SMLR1: variants seen among roughly 807,000 people sequenced by gnomAD.
The protein encoded by SMLR1 is small leucine rich protein 1.
In SMLR1, 3 loss-of-function variants were observed where a neutral mutation model predicts 6.1. The observed-to-expected ratio is 0.49, with a 90% CI of 0.22 to 1.28. The LOEUF is 1.28. Ranked by LOEUF, SMLR1 falls within the 50% of genes most tolerant of loss-of-function variation. The pLI, the probability that SMLR1 is intolerant of heterozygous loss-of-function variation, is 0.19. For missense variants in SMLR1, 126 were observed against 124.8 expected (o/e 1.01, Z -0.05); for synonymous variants, 55 against 53.6 (o/e 1.03, Z -0.11).
chr6:130,836,636 GAATCTCCA>G lies in SMLR1; in HGVS notation c.*1683_*1690del, dbSNP rs1774673912. ...TTTTCTGCCATCCAATGAGAGCAGA[GAATCTCCA>G]ATGAAACTGACTAGATTTATGAATG... On this transcript the variant is annotated 3_prime_UTR_variant, in exon 2 of 2. Coordinates refer to ENST00000541421, the MANE Select transcript of SMLR1 (RefSeq NM_001195597.2). 6.6e-6 allele frequency: 1 copy of G among 152,182 alleles called. No homozygotes were observed. Among genetic ancestry groups the G allele is most frequent in the South Asian group, 2.1e-4 (1 of 4,832 alleles). The allele number at this position is 152,182 out of a possible 1,614,324, so 9.4% of individuals were successfully genotyped here. A position where few individuals can be genotyped will look rare whatever the true frequency, so the allele number is the denominator to read the frequency against.
Position 130,827,578 on chromosome 6 carries a change from C to T in SMLR1, c.165C>T (p.Phe55=). The change falls in exon 1 of 2, where the codon TTC becomes TTT. Residue 55 remains phenylalanine (F), a synonymous_variant. Transcript: ENST00000541421. ...GGGAGCTCCCTGGCTGGTTCCTGTT[C>T]TTTGGGGTCTTCCTCCCCGTGACTT... is the stretch of plus-strand genomic sequence containing the variant. ...FMRELPGWFL[F]FGVFLPVTLL... is the part of the protein sequence containing the mutation. The T allele has an allele frequency of 6.5e-7, 1 of 1,535,954 alleles. No individual in the cohort carries two copies. Among genetic ancestry groups the T allele is most frequent in the Non-Finnish European group, 8.7e-7 (1 of 1,146,854 alleles).
At chr6:130,834,820 C>A (rs763944199) in intron 1 of SMLR1, 50 bp from the exon 2 acceptor site, 1 of 1,453,186 alleles carries the variant, frequency 6.9e-7, no homozygotes, top group South Asian at 1.2e-5. Flanking sequence ...TCTAAATGAC[C>A]AATGGCACTC....
chr6:130,833,472 CA>C (rs1774533890), intron 1 of SMLR1, among the ~76,000 whole-genome samples: 1 of 152,136 alleles, frequency 6.6e-6, no homozygotes. Flanking sequence ...AGCCATGGGC[CA>C]TCTCCAAGGA....
chr6:130,828,204 T>C (rs1322088889), intron 1 of SMLR1, among the ~76,000 whole-genome samples: 1 of 152,186 alleles, frequency 6.6e-6, no homozygotes, highest in Admixed American at 6.5e-5. Flanking sequence ...CATGGGATTA[T>C]AGTCTTAAGG....
At chr6:130,829,312 T>C (rs1051394321) in intron 1 of SMLR1, among the ~76,000 whole-genome samples, 13 of 152,234 alleles carry the variant, frequency 8.5e-5, no homozygotes, top group South Asian at 2.1e-4. Context: ...ATCTGTTTTA[T>C]AGTTTTACTC....
chr6:130,834,562 C>G (rs1774579442), intron 1 of SMLR1, among the ~76,000 whole-genome samples: 1 of 152,162 alleles, frequency 6.6e-6, no homozygotes. Context: ...GACACTGTGA[C>G]TTGCTGTGGG....
rs79129224 is a variant in SMLR1, at chr6:130,829,470, G to A, written c.238+1819G>A. Reference sequence around the variant, plus strand: ...GCAGGGTATGGCCTGGCATCACAGGGGCTGATGCAGGGGAAATGCAGTCCA... The same window carrying A: ...GCAGGGTATGGCCTGGCATCACAGGAGCTGATGCAGGGGAAATGCAGTCCA... On this transcript the variant is annotated intron_variant, in intron 1 of 1. Coordinates refer to ENST00000541421, the MANE Select transcript of SMLR1 (RefSeq NM_001195597.2). Among the ~76,000 whole-genome samples, 2,209 of 152,240 alleles carry A rather than the reference G, an allele frequency of 0.015. 213 individuals carry two copies. In the East Asian group the frequency reaches 0.27, roughly 19 times the overall value.
intron 1 of SMLR1, among the ~76,000 whole-genome samples, chr6:130,832,073 T>C (rs1258127734): frequency 6.6e-6 from 1 of 152,178 alleles, no homozygotes; most frequent in Non-Finnish European, 1.5e-5. Flanking sequence ...GAACTTCCCA[T>C]AGCCAATCCC....
intron 1 of SMLR1, among the ~76,000 whole-genome samples, chr6:130,828,041 T>C (rs1040583729): frequency 2.3e-4 from 30 of 132,208 alleles, no homozygotes; most frequent in African/African-American, 8.4e-4. Flanking sequence ...TGTGTGTGCA[T>C]GTCCGTGCGT....
intron 1 of SMLR1, among the ~76,000 whole-genome samples, chr6:130,834,371 T>C (rs887863214): frequency 2.0e-5 from 3 of 152,136 alleles, no homozygotes; most frequent in African/African-American, 7.2e-5. Context: ...AGTTTTAATA[T>C]TTTAGTAGAG....
rs1389403288 is a variant in SMLR1 at position 130,827,870 on chromosome 6, C to G, written c.238+219C>G. 3.3e-5 allele frequency among the ~76,000 whole-genome samples: 5 copies of G among 150,406 alleles called. No individual in the cohort carries two copies. The East Asian group carries it at 9.8e-4, about 30-fold the overall frequency. ...TCTTGTGCTGAGATGTGAAGGTCTG[C>G]TGTAGGGGGCCCTCACGTGTAGCAC... is the stretch of plus-strand genomic sequence containing the variant. On this transcript the variant is annotated intron_variant, in intron 1 of 1. Coordinates refer to ENST00000541421, the MANE Select transcript of SMLR1 (RefSeq NM_001195597.2).
At chr6:130,832,535 T>C (rs565414785) in intron 1 of SMLR1, among the ~76,000 whole-genome samples, 1 of 152,276 alleles carries the variant, frequency 6.6e-6, no homozygotes, top group South Asian at 2.1e-4. Flanking sequence ...GGTATGGTGA[T>C]TAAGCGAGGT....
intron 1 of SMLR1, among the ~76,000 whole-genome samples, chr6:130,827,870 C>A (rs1389403288): frequency 1.3e-5 from 2 of 150,406 alleles, no homozygotes; most frequent in Non-Finnish European, 3.0e-5. Context: ...TGAAGGTCTG[C>A]TGTAGGGGGC....
intron 1 of SMLR1, among the ~76,000 whole-genome samples, chr6:130,830,397 G>A (rs1435943688): frequency 6.6e-6 from 1 of 152,106 alleles, no homozygotes; most frequent in Non-Finnish European, 1.5e-5. Flanking sequence ...AAGAGTGAGT[G>A]AGGAGGCAGA....
chr6:130,831,115 T>G (rs1252132556), intron 1 of SMLR1, among the ~76,000 whole-genome samples: 1 of 152,222 alleles, frequency 6.6e-6, no homozygotes, highest in Non-Finnish European at 1.5e-5. Flanking sequence ...ACAGCATAGC[T>G]GAGTGGATCA....
chr6:130,827,970 A>C (rs1489662986), intron 1 of SMLR1, among the ~76,000 whole-genome samples: 1 of 152,208 alleles, frequency 6.6e-6, no homozygotes, highest in East Asian at 1.9e-4. Context: ...ATAGAGTCAC[A>C]TATGTGAAAA....
chr6:130,829,435 A>G (rs1409355235), intron 1 of SMLR1, among the ~76,000 whole-genome samples: 1 of 152,206 alleles, frequency 6.6e-6, no homozygotes, highest in Non-Finnish European at 1.5e-5. Flanking sequence ...TACCCTGGAA[A>G]AGTCAACGTG....
At chr6:130,833,682 T>G (rs6918160) in intron 1 of SMLR1, among the ~76,000 whole-genome samples, 1 of 151,994 alleles carries the variant, frequency 6.6e-6, no homozygotes, top group Non-Finnish European at 1.5e-5. Context: ...TAGCTCATCA[T>G]GTCATCACAA....
chr6:130,831,182 CG>C (rs1300905092), intron 1 of SMLR1, among the ~76,000 whole-genome samples: 1 of 152,078 alleles, frequency 6.6e-6, no homozygotes, highest in Non-Finnish European at 1.5e-5. Context: ...CAAAGCAAAC[CG>C]GGTGAGAAAT....
Sources: allele counts gnomAD v4.1 joint callset (sites outside exome capture counted in the v4.1 genomes callset), GRCh38; gene constraint gnomAD v4.1.1; transcripts MANE v1.5; gene names NCBI Gene and HGNC (gene_info 2026-07-23, HGNC 2026-07-21).